ANK3: variants seen among roughly 807,000 people sequenced by gnomAD.
ANK3 encodes the protein ankyrin-3.
Under a neutral mutation model 370.9 loss-of-function variants are expected in ANK3, and 57 were observed. The ratio of observed to expected loss-of-function variants is 0.15; its 90% CI spans 0.12 to 0.19. The LOEUF is 0.19. ANK3 is among the 10% of genes least tolerant of loss of function. The pLI, the probability that ANK3 is intolerant of heterozygous loss-of-function variation, is 1.00. For missense variants in ANK3, 4,439 were observed against 5,302.1 expected (o/e 0.84, Z 5.06); for synonymous variants, 1,929 against 1,946.3 (o/e 0.99, Z 0.23).
chr10:60,462,666 T>A (rs1327561050), intron 2 of ANK3, among the ~76,000 whole-genome samples: 1 of 151,394 alleles, frequency 6.6e-6, no homozygotes. Flanking sequence ...TAAAATAAAA[T>A]CAGTGGTTTT....
At chr10:60,497,363 A>G (rs2075686020) in intron 2 of ANK3, among the ~76,000 whole-genome samples, 1 of 152,216 alleles carries the variant, frequency 6.6e-6, no homozygotes, top group African/African-American at 2.4e-5. Flanking sequence ...TAGCATAGTC[A>G]GAATAATTGT....
chr10:60,042,422 A>C (rs1394198352), intron 43 of ANK3, among the ~76,000 whole-genome samples: 1 of 152,258 alleles, frequency 6.6e-6, no homozygotes, highest in African/African-American at 2.4e-5. Context: ...TGCTTCTGCA[A>C]ACATAATTTA....
At chr10:60,618,308 A>G (rs935550079) in intron 1 of ANK3, among the ~76,000 whole-genome samples, 1 of 152,206 alleles carries the variant, frequency 6.6e-6, no homozygotes, top group Non-Finnish European at 1.5e-5. Context: ...AACGTCTTCT[A>G]ATAAAAGTAA....
At chr10:60,202,398 C>CA (rs1177212571) in intron 12 of ANK3, among the ~76,000 whole-genome samples, 8 of 152,208 alleles carry the variant, frequency 5.3e-5, no homozygotes, top group Non-Finnish European at 7.4e-5. Context: ...GCTGGGATTA[C>CA]AAGCGTGAGC....
intron 1 of ANK3, among the ~76,000 whole-genome samples, chr10:60,696,240 T>C (rs989911544): frequency 1.3e-5 from 2 of 150,074 alleles, no homozygotes; most frequent in East Asian, 1.9e-4. Context: ...TAACGGGCTC[T>C]GAAATTGTGG....
intron 2 of ANK3, among the ~76,000 whole-genome samples, chr10:60,581,254 T>C (rs2077746810): frequency 2.0e-5 from 3 of 152,132 alleles, no homozygotes; most frequent in Non-Finnish European, 4.4e-5. Flanking sequence ...AGAGACAGCA[T>C]TGACATAGAA....
At chr10:60,665,424 C>T (rs2078984101) in intron 1 of ANK3, among the ~76,000 whole-genome samples, 1 of 152,160 alleles carries the variant, frequency 6.6e-6, no homozygotes, top group African/African-American at 2.4e-5. Flanking sequence ...TTCTTTGTGT[C>T]CTCAACAACA....
intron 2 of ANK3, among the ~76,000 whole-genome samples, chr10:60,473,857 T>C (rs1224760672): frequency 2.7e-5 from 4 of 150,780 alleles, no homozygotes; most frequent in Non-Finnish European, 5.9e-5. Context: ...ACAGGCTAGG[T>C]GCAGAGGCTC....
At chr10:60,691,387 A>G (rs1379445561) in intron 1 of ANK3, among the ~76,000 whole-genome samples, 5 of 152,240 alleles carry the variant, frequency 3.3e-5, no homozygotes, top group African/African-American at 9.6e-5. Context: ...GCAAATTGCC[A>G]ACTCTGAGAC....
chr10:60,295,615 G>A (rs1302067672), intron 1 of ANK3, among the ~76,000 whole-genome samples: 1 of 152,094 alleles, frequency 6.6e-6, no homozygotes, highest in African/African-American at 2.4e-5. Context: ...CTCACATTGT[G>A]ATCTGTCTAC....
intron 1 of ANK3, among the ~76,000 whole-genome samples, chr10:60,655,464 A>T (rs2078850711): frequency 6.6e-6 from 1 of 151,980 alleles, no homozygotes; most frequent in Non-Finnish European, 1.5e-5. Flanking sequence ...AAAATGAAAA[A>T]TATTTTAAAT....
chr10:60,678,688 AG>A (rs2079157360), intron 1 of ANK3, among the ~76,000 whole-genome samples: 1 of 152,248 alleles, frequency 6.6e-6, no homozygotes, highest in Non-Finnish European at 1.5e-5. Flanking sequence ...TATATGTTAT[AG>A]TACTCATTTA....
At position 60,690,150 on chromosome 10, in the gene ANK3, C is replaced by T. The variant is rs780479964; in HGVS notation, c.57+43113G>A. On this transcript the variant is annotated intron_variant, in intron 1 of 43. Transcript: ENST00000373827. ...GCCGAATAGGAACAGCTCCGGTCTA[C>T]AGCTCCCAGCAAGATCAAAGCAGAA... 2.8e-4 allele frequency among the ~76,000 whole-genome samples: 42 copies of T among 152,176 alleles called. 1 individual carries two copies. The highest frequency in any genetic ancestry group is 8.8e-5 in the Non-Finnish European group (6 of 68,036).
chr10:60,693,639 G>C (rs548681506), intron 1 of ANK3, among the ~76,000 whole-genome samples: 1 of 152,212 alleles, frequency 6.6e-6, no homozygotes, highest in Non-Finnish European at 1.5e-5. Context: ...AGCAGGGGCA[G>C]ATTGACCCCT....
chr10:60,304,615 C>A (rs1311237741), intron 1 of ANK3, among the ~76,000 whole-genome samples: 1 of 151,936 alleles, frequency 6.6e-6, no homozygotes, highest in African/African-American at 2.4e-5. Flanking sequence ...CACACTCTAG[C>A]CTGGGTGACA....
At chr10:60,500,369 G>A (rs1258064322) in intron 2 of ANK3, among the ~76,000 whole-genome samples, 1 of 152,118 alleles carries the variant, frequency 6.6e-6, no homozygotes, top group East Asian at 1.9e-4. Flanking sequence ...GTAACAGCTA[G>A]TTAAGCATGA....
chr10:60,167,785 A>G (rs2095662757), intron 21 of ANK3, among the ~76,000 whole-genome samples: 1 of 152,184 alleles, frequency 6.6e-6, no homozygotes. Context: ...AAAGGTACAA[A>G]TTCATAGTTT....
chr10:60,394,018 G>A (rs1407290261), upstream of ANK3, among the ~76,000 whole-genome samples: 1 of 151,648 alleles, frequency 6.6e-6, no homozygotes, highest in Non-Finnish European at 1.5e-5. Flanking sequence ...AGGCAAGTGT[G>A]TGTTTTGATG....
chr10:60,357,095 C>T (rs1277774036), intron 1 of ANK3, among the ~76,000 whole-genome samples: 2 of 152,146 alleles, frequency 1.3e-5, no homozygotes, highest in Non-Finnish European at 2.9e-5. Context: ...ATTCCATGGC[C>T]CATCGTTTTT....
Sources: allele counts gnomAD v4.1 joint callset (sites outside exome capture counted in the v4.1 genomes callset), GRCh38; gene constraint gnomAD v4.1.1; transcripts MANE v1.5; gene names NCBI Gene and HGNC (gene_info 2026-07-23, HGNC 2026-07-21).